NHEJ1: variants seen among roughly 807,000 people sequenced by gnomAD.
The protein encoded by NHEJ1 is non-homologous end joining factor 1.
Under a neutral mutation model 39.4 loss-of-function variants are expected in NHEJ1, and 22 were observed. The ratio of observed to expected loss-of-function variants is 0.56; its 90% CI spans 0.40 to 0.80. The LOEUF (loss-of-function observed/expected upper bound fraction) is 0.80. Among genes scored for constraint, NHEJ1 ranks in the 30% least tolerant of loss-of-function variants. The pLI is 0.00. For missense variants in NHEJ1, 329 were observed against 357.1 expected (o/e 0.92, Z 0.63); for synonymous variants, 154 against 135.6 (o/e 1.14, Z -0.94).
intron 5 of NHEJ1, among the ~76,000 whole-genome samples, chr2:219,105,998 T>G (rs1029673586): frequency 6.6e-6 from 1 of 152,234 alleles, no homozygotes; most frequent in African/African-American, 2.4e-5. Context: ...AGTAATTACT[T>G]AAATGTCTTT....
chr2:219,100,376 G>T (rs1337602946), intron 5 of NHEJ1, among the ~76,000 whole-genome samples: 3 of 151,578 alleles, frequency 2.0e-5, no homozygotes, highest in Non-Finnish European at 2.9e-5. Context: ...TCTGAGGCAG[G>T]TGGATTGTTT....
intron 5 of NHEJ1, among the ~76,000 whole-genome samples, chr2:219,079,054 T>C (rs1949039862): frequency 6.6e-6 from 1 of 152,226 alleles, no homozygotes; most frequent in African/African-American, 2.4e-5. Context: ...CACTACAGAA[T>C]GAACTGTGGA....
At position 219,071,011 on chromosome 2, in the gene NHEJ1, G is replaced by A. The variant is rs368857617; in HGVS notation, c.*5370C>T. 8.3e-4 allele frequency among the ~76,000 whole-genome samples: 127 copies of A among 152,310 alleles called. No homozygotes were observed. Among genetic ancestry groups the A allele is most frequent in the African/African-American group, 3.0e-3 (123 of 41,566 alleles). ...CCTGAAATCCCCGCTAGGCAACAATGCTAAATGAAACTGGCAGTCTTCCCT... is the reference window on the plus strand; with the variant it reads ...CCTGAAATCCCCGCTAGGCAACAATACTAAATGAAACTGGCAGTCTTCCCT... On this transcript the variant is annotated 3_prime_UTR_variant, in exon 8 of 8. Transcript: ENST00000356853.
At chr2:219,087,878 GA>G (rs1347217508) in intron 5 of NHEJ1, among the ~76,000 whole-genome samples, 2 of 152,016 alleles carry the variant, frequency 1.3e-5, no homozygotes, top group Non-Finnish European at 2.9e-5. Flanking sequence ...AACCAACAAA[GA>G]ACTCATTTCC....
chr2:219,088,908 G>A (rs1949135956), intron 5 of NHEJ1, among the ~76,000 whole-genome samples: 1 of 152,142 alleles, frequency 6.6e-6, no homozygotes. Context: ...CGCCTCCCAG[G>A]TTCATGCCAT....
At chr2:219,083,106 T>C (rs982827687) in intron 5 of NHEJ1, among the ~76,000 whole-genome samples, 3 of 152,228 alleles carry the variant, frequency 2.0e-5, no homozygotes, top group African/African-American at 4.8e-5. Context: ...GATCATCTAC[T>C]GTGGTGTTTG....
intron 7 of NHEJ1, 103 bp from the exon 8 acceptor site, chr2:219,076,558 T>TA (rs1491415394): frequency 7.4e-6 from 1 of 135,010 alleles, no homozygotes; most frequent in Non-Finnish European, 1.4e-5. Context: ...GGATGAGGCC[T>TA]TTTTTTTTTT....
At chr2:219,118,393 C>G (rs939997009) in intron 5 of NHEJ1, among the ~76,000 whole-genome samples, 2 of 69,512 alleles carry the variant, frequency 2.9e-5, no homozygotes, top group Non-Finnish European at 7.3e-5. Context: ...ATTCTCCAGT[C>G]TCTGGGGTCC....
intron 7 of NHEJ1, 102 bp from the exon 8 acceptor site, chr2:219,076,557 CTTT>C (rs778354452): frequency 0.021 from 9,128 of 437,636 alleles, no homozygotes; most frequent in East Asian, 0.031. Context: ...AGGATGAGGC[CTTT>C]TTTTTTTTTT....
At chr2:219,156,808 T>C (rs1330306407) in intron 3 of NHEJ1, among the ~76,000 whole-genome samples, 1 of 152,236 alleles carries the variant, frequency 6.6e-6, no homozygotes, top group Non-Finnish European at 1.5e-5. Flanking sequence ...CAGAATAATC[T>C]TGATAAACCA....
At position 219,153,696 on chromosome 2, in the gene NHEJ1, G is replaced by GT. The variant is rs986855670; in HGVS notation, c.390+3775_390+3776insA. ...CTCAAAAGAAAAAGAAAGAAAAGGGGGGGGGGGTGGAGAGAGAGAGAGAGA... is the reference window on the plus strand; with the variant it reads ...CTCAAAAGAAAAAGAAAGAAAAGGGGTGGGGGGGTGGAGAGAGAGAGAGAGA... On this transcript the variant is annotated intron_variant, in intron 3 of 7. Transcript: ENST00000356853. Among the ~76,000 whole-genome samples the GT allele has an allele frequency of 3.1e-5, 4 of 128,686 alleles. No individual in the cohort carries two copies. The East Asian group carries it at 6.5e-4, about 21-fold the overall frequency. 84.4% of individuals were successfully genotyped at this position (128,686 alleles called of 152,430 possible).
intron 5 of NHEJ1, among the ~76,000 whole-genome samples, chr2:219,096,666 AGTATGGGAATTAGC>A (rs1949211107): frequency 6.6e-6 from 1 of 152,208 alleles, no homozygotes; most frequent in Non-Finnish European, 1.5e-5. Context: ...AAGATTTGAC[AGTATGGGAATTAGC>A]CTATGGATAT....
intron 5 of NHEJ1, among the ~76,000 whole-genome samples, chr2:219,100,838 T>G (rs941717380): frequency 2.0e-5 from 3 of 152,156 alleles, no homozygotes; most frequent in Non-Finnish European, 4.4e-5. Flanking sequence ...CTGGGAAAAT[T>G]CATCCATTCA....
At chr2:219,136,725 C>T (rs886423478) in intron 5 of NHEJ1, among the ~76,000 whole-genome samples, 5 of 151,996 alleles carry the variant, frequency 3.3e-5, no homozygotes, top group Non-Finnish European at 7.4e-5. Context: ...GCTTCAGCCT[C>T]CTGAGTAGCT....
chr2:219,137,193 A>G (rs1391348760), intron 5 of NHEJ1, among the ~76,000 whole-genome samples: 1 of 152,122 alleles, frequency 6.6e-6, no homozygotes, highest in East Asian at 1.9e-4. Flanking sequence ...GCACAGCCAT[A>G]CCTTCCTCCC....
chr2:219,092,024 T>A (rs1052642751), intron 5 of NHEJ1, among the ~76,000 whole-genome samples: 1 of 152,178 alleles, frequency 6.6e-6, no homozygotes, highest in African/African-American at 2.4e-5. Context: ...TGACTGATTG[T>A]GGGTTTAGCA....
chr2:219,147,249 G>T (rs1949749555), intron 4 of NHEJ1, among the ~76,000 whole-genome samples: 1 of 152,224 alleles, frequency 6.6e-6, no homozygotes, highest in South Asian at 2.1e-4. Flanking sequence ...GGAGGCCAAG[G>T]CAGGCAGATC....
In NHEJ1 at chr2:219,103,572, G is replaced by C. The variant is rs117343981; in HGVS notation, c.589-25366C>G. Among the ~76,000 whole-genome samples the C allele has an allele frequency of 3.3e-4, 50 of 152,256 alleles. No individual in the cohort carries two copies. In the East Asian group the frequency reaches 8.3e-3, roughly 25 times the overall value. On this transcript the variant is annotated intron_variant, in intron 5 of 7. Coordinates refer to ENST00000356853, the MANE Select transcript of NHEJ1 (RefSeq NM_024782.3). Reference sequence around the variant, plus strand: ...ATTACAGGCGTGAGCCACCATGCCTGACCACCATTTTTTTTAAAAACAAAA... The same window carrying C: ...ATTACAGGCGTGAGCCACCATGCCTCACCACCATTTTTTTTAAAAACAAAA...
intron 5 of NHEJ1, among the ~76,000 whole-genome samples, chr2:219,095,075 C>G (rs1332278539): frequency 6.6e-6 from 1 of 152,184 alleles, no homozygotes; most frequent in African/African-American, 2.4e-5. Context: ...CTAGGAGGAT[C>G]TAAAGAAAAG....
Sources: gnomAD v4.1 joint callset for allele counts (sites outside exome capture counted in the v4.1 genomes callset) on GRCh38, gnomAD v4.1.1 for gene constraint, MANE v1.5 for transcripts, NCBI Gene and HGNC (gene_info 2026-07-23, HGNC 2026-07-21) for gene names.